CALN1: variants seen among roughly 807,000 people sequenced by gnomAD.
CALN1 encodes calneuron 1, also known as calcium-binding protein 8.
Under a neutral mutation model 30.6 loss-of-function variants are expected in CALN1, and 17 were observed. The ratio of observed to expected loss-of-function variants is 0.56; its 90% CI spans 0.38 to 0.83. The LOEUF (loss-of-function observed/expected upper bound fraction) is 0.83. Among genes scored for constraint, CALN1 ranks in the 40% least tolerant of loss-of-function variants. The pLI is 0.00. For synonymous variants in CALN1, 156 were observed against 131.4 expected (o/e 1.19, Z -1.28); for missense variants, 291 against 354.9 (o/e 0.82, Z 1.45).
intron 1 of CALN1, among the ~76,000 whole-genome samples, chr7:72,438,536 C>T (rs574518313): frequency 6.6e-6 from 1 of 152,214 alleles, no homozygotes; most frequent in Non-Finnish European, 1.5e-5. Flanking sequence ...TACCTGCCAT[C>T]TTTTCTCCCT....
At chr7:72,253,511 A>G (rs1297744979) in intron 3 of CALN1, among the ~76,000 whole-genome samples, 1 of 152,236 alleles carries the variant, frequency 6.6e-6, no homozygotes, top group Non-Finnish European at 1.5e-5. Flanking sequence ...TCATGGCTGA[A>G]GTTGAAAGGG....
intron 3 of CALN1, among the ~76,000 whole-genome samples, chr7:72,221,424 T>C (rs1793292786): frequency 6.8e-6 from 1 of 146,124 alleles, no homozygotes; most frequent in Admixed American, 7.1e-5. Context: ...TTCAAGCAAC[T>C]CTCCTGCCTC....
chr7:72,453,760 G>A, the CALN1 span, among the ~76,000 whole-genome samples: 1 of 152,126 alleles, frequency 6.6e-6, no homozygotes, highest in Non-Finnish European at 1.5e-5. Context: ...TAGCCATGGT[G>A]CAGCCCTAAT....
chr7:72,044,690 C>T (rs1258328327), intron 4 of CALN1, among the ~76,000 whole-genome samples: 1 of 143,900 alleles, frequency 6.9e-6, no homozygotes, highest in East Asian at 2.2e-4. Flanking sequence ...CAGCTCATTG[C>T]AGGCTCGAAC....
At chr7:71,972,118 C>T (rs907427015) in intron 5 of CALN1, among the ~76,000 whole-genome samples, 1 of 152,004 alleles carries the variant, frequency 6.6e-6, no homozygotes, top group African/African-American at 2.4e-5. Context: ...CACGAATAGA[C>T]AAGTAAATGA....
chr7:72,473,010 TGTACCATCTCCTGGGCCAGG>T, the CALN1 span, among the ~76,000 whole-genome samples: 5 of 152,146 alleles, frequency 3.3e-5, no homozygotes, highest in African/African-American at 1.2e-4. Flanking sequence ...CCCTCCTTCC[TGTACCATCTCCTGGGCCAGG>T]GTCCACACTG....
chr7:72,407,800 T>C (rs752468665), intron 1 of CALN1, among the ~76,000 whole-genome samples: 1 of 152,174 alleles, frequency 6.6e-6, no homozygotes, highest in Non-Finnish European at 1.5e-5. Flanking sequence ...GGCGCTGGAC[T>C]GGACACAGGG....
chr7:72,471,441 C>T, the CALN1 span, among the ~76,000 whole-genome samples: 1 of 152,180 alleles, frequency 6.6e-6, no homozygotes, highest in Non-Finnish European at 1.5e-5. Context: ...CAGCCATGCA[C>T]CTCCCCTGGG....
intron 2 of CALN1, among the ~76,000 whole-genome samples, chr7:72,368,811 T>C (rs1462335484): frequency 3.6e-5 from 2 of 55,014 alleles, no homozygotes; most frequent in African/African-American, 1.2e-4. Context: ...TTGAAACCCT[T>C]TTTTTTTTTT....
intron 5 of CALN1, among the ~76,000 whole-genome samples, chr7:72,017,784 A>G (rs1186536054): frequency 6.6e-6 from 1 of 152,174 alleles, no homozygotes; most frequent in South Asian, 2.1e-4. Context: ...TTGATTGTGA[A>G]TAAGATTAAA....
chr7:72,007,683 A>T (rs1399512141), intron 5 of CALN1, among the ~76,000 whole-genome samples: 3 of 152,194 alleles, frequency 2.0e-5, no homozygotes, highest in Non-Finnish European at 4.4e-5. Flanking sequence ...AGCCTTGTTT[A>T]TTGATCACCA....
At chr7:72,003,075 T>C (rs754998099) in intron 5 of CALN1, among the ~76,000 whole-genome samples, 4 of 152,222 alleles carry the variant, frequency 2.6e-5, no homozygotes, top group African/African-American at 9.6e-5. Context: ...GTAATTGATA[T>C]GTTAATTAGC....
chr7:72,444,129 C>T (rs537293334), intron 1 of CALN1, among the ~76,000 whole-genome samples: 67 of 152,014 alleles, frequency 4.4e-4, no homozygotes, highest in East Asian at 1.6e-3. Flanking sequence ...ACTCGTACTA[C>T]GCACCAGAGT....
At chr7:71,880,143 C>A (rs1792480203) in intron 5 of CALN1, among the ~76,000 whole-genome samples, 3 of 151,976 alleles carry the variant, frequency 2.0e-5, no homozygotes. Flanking sequence ...TCTCAAAAAA[C>A]AAAAACAAAA....
At chr7:71,900,142 A>T (rs1584474911) in intron 5 of CALN1, among the ~76,000 whole-genome samples, 1 of 152,218 alleles carries the variant, frequency 6.6e-6, no homozygotes, top group East Asian at 1.9e-4. Flanking sequence ...GTGACAGACA[A>T]ATTTTTAACA....
At chr7:72,277,868 T>A (rs1209345046) in intron 3 of CALN1, among the ~76,000 whole-genome samples, 1 of 152,142 alleles carries the variant, frequency 6.6e-6, no homozygotes. Flanking sequence ...GAAAGTAAAT[T>A]TAAACTTTGT....
intron 1 of CALN1, among the ~76,000 whole-genome samples, chr7:72,404,372 TA>T (rs1368404082): frequency 2.0e-5 from 3 of 152,190 alleles, no homozygotes; most frequent in South Asian, 2.1e-4. Context: ...AACACACAGT[TA>T]ATCAATGTCA....
At chr7:71,791,030 C>T (rs1044611203) in intron 6 of CALN1, among the ~76,000 whole-genome samples, 4 of 152,192 alleles carry the variant, frequency 2.6e-5, no homozygotes, top group African/African-American at 9.7e-5. Flanking sequence ...TACCTCTCTC[C>T]CTTGATGTGA....
chr7:72,389,254 C>T (rs916837424), intron 2 of CALN1, among the ~76,000 whole-genome samples: 4 of 152,202 alleles, frequency 2.6e-5, no homozygotes, highest in African/African-American at 9.7e-5. Flanking sequence ...GGAATTCTTC[C>T]AGTTCTCCTG....
Sources: gnomAD v4.1 joint callset for allele counts (sites outside exome capture counted in the v4.1 genomes callset) on GRCh38, gnomAD v4.1.1 for gene constraint, MANE v1.5 for transcripts, NCBI Gene and HGNC (gene_info 2026-07-23, HGNC 2026-07-21) for gene names.